CD300E: variants seen among roughly 807,000 people sequenced by gnomAD.
CD300E encodes the protein CMRF35-like molecule 2.
Under a neutral mutation model 20.9 loss-of-function variants are expected in CD300E, and 14 were observed. The ratio of observed to expected loss-of-function variants is 0.67; its 90% CI spans 0.44 to 1.05. CD300E has a LOEUF of 1.05. CD300E is among the 50% of genes least tolerant of loss of function. The probability of loss-of-function intolerance (pLI) is 0.00; values close to 1 mark genes in which losing one functional copy is unlikely to be tolerated. For synonymous variants in CD300E, 102 were observed against 103.7 expected, an observed-to-expected ratio of 0.98 and a Z score of 0.10; for missense variants, 237 against 253.9, an observed-to-expected ratio of 0.93 and a Z score of 0.45.
intron 3 of CD300E, 32 bp from the exon 4 acceptor site, chr17:74,612,805 C>T (rs1330589438): frequency 2.4e-5 from 38 of 1,610,998 alleles, no homozygotes; most frequent in Non-Finnish European, 3.2e-5. Context: ...TGAGTCACTT[C>T]CCCGGGAGAA....
At chr17:74,615,026 A>G (rs1490017774) in intron 2 of CD300E, among the ~76,000 whole-genome samples, 2 of 152,200 alleles carry the variant, frequency 1.3e-5, no homozygotes, top group African/African-American at 4.8e-5. Context: ...AGATTCGTTG[A>G]TGGACGTGGC....
At chr17:74,614,120 C>G in intron 2 of CD300E, 87 bp from the exon 3 acceptor site, 1 of 1,044,318 alleles carries the variant, frequency 9.6e-7, no homozygotes, top group Non-Finnish European at 1.5e-6. Flanking sequence ...CAGAATCACC[C>G]ACTCACAGAA....
At chr17:74,619,245 G>C (rs1252754756) in intron 1 of CD300E, 1 of 435,576 alleles carries the variant, frequency 2.3e-6, no homozygotes, top group Non-Finnish European at 4.7e-6. Flanking sequence ...CAAGAGTCTG[G>C]TGATGGAGCC....
chr17:74,613,755 A>T (rs756614584), intron 3 of CD300E, among the ~76,000 whole-genome samples, 170 bp downstream of exon 3: 3 of 152,166 alleles, frequency 2.0e-5, no homozygotes, highest in Non-Finnish European at 4.4e-5. Flanking sequence ...AGCACAAGTG[A>T]TATTTCCCAC....
chr17:74,612,249 C>CTCTCTCTCTG lies in CD300E; in HGVS notation c.*403_*404insCAGAGAGAGA, dbSNP rs1568032695. ...GCTCTCTCTCTCTCTCTCTCTCTGT[C>CTCTCTCTCTG]TCTCTCTCTCTCTCTCTCTCTCTCT... On this transcript the variant is annotated 3_prime_UTR_variant, in exon 4 of 4. Coordinates refer to ENST00000392619, the MANE Select transcript of CD300E (RefSeq NM_181449.3). 3.1e-5 allele frequency: 2 copies of CTCTCTCTCTG among 63,628 alleles called. No individual in the cohort carries two copies. The highest frequency in any genetic ancestry group is 9.1e-5 in the African/African-American group (2 of 22,088). The allele number at this position is 63,628 out of a possible 1,614,324, so 3.9% of individuals were successfully genotyped here.
chr17:74,616,181 C>T (rs1445258163), intron 2 of CD300E, among the ~76,000 whole-genome samples: 1 of 151,788 alleles, frequency 6.6e-6, no homozygotes, highest in African/African-American at 2.4e-5. Flanking sequence ...AATAAATTGG[C>T]GGAAATGGAG....
intron 2 of CD300E, among the ~76,000 whole-genome samples, chr17:74,615,915 G>A (rs182430399): frequency 6.6e-6 from 1 of 152,214 alleles, no homozygotes. Context: ...GGAAGATGCT[G>A]TCTCTACTAA....
chr17:74,614,072 C>A, intron 2 of CD300E, 39 bp from the exon 3 acceptor site: 2 of 1,500,216 alleles, frequency 1.3e-6, no homozygotes, highest in Non-Finnish European at 9.3e-7. Flanking sequence ...CGTGCCTGGG[C>A]TCCCAGCCAT....
chr17:74,618,091 A>G (rs2030946254), intron 1 of CD300E, among the ~76,000 whole-genome samples: 1 of 152,188 alleles, frequency 6.6e-6, no homozygotes, highest in African/African-American at 2.4e-5. Flanking sequence ...CATTCAGAGG[A>G]AAGAGGGAAG....
chr17:74,613,965 G>A lies in CD300E; in HGVS notation c.457C>T (p.Arg153Ter), dbSNP rs61748965. ...PPIFLVVNPG[R>*]NLSTGEVLTQ... ...AACACCTCCCCGGTGCTGAGGTTTC[G>A]CCCAGGGTTCACCACCAGGAAGATG... is the stretch of plus-strand genomic sequence containing the variant. Residue 153 changes from arginine (R) to a stop codon, truncating the protein, a stop_gained, in exon 3 of 4, where the codon CGA (arginine) becomes TGA (stop). Transcript: ENST00000392619. LOFTEE classifies it low-confidence loss of function (END_TRUNC). 2.6e-4 allele frequency: 423 copies of A among 1,613,818 alleles called. No homozygotes were observed. Among genetic ancestry groups the A allele is most frequent in the African/African-American group, 7.9e-4 (59 of 74,914 alleles).
At chr17:74,614,602 C>T (rs1267996398) in intron 2 of CD300E, among the ~76,000 whole-genome samples, 1 of 152,026 alleles carries the variant, frequency 6.6e-6, no homozygotes, top group Non-Finnish European at 1.5e-5. Flanking sequence ...CCTGCCTCAG[C>T]CACCCAAGTA....
At chr17:74,619,958 G>A (rs1048459203) in intron 1 of CD300E, among the ~76,000 whole-genome samples, 2 of 152,184 alleles carry the variant, frequency 1.3e-5, no homozygotes, top group African/African-American at 4.8e-5. Flanking sequence ...CATTCATGAT[G>A]GCTATTCTCT....
At position 74,613,948 on chromosome 17, in the gene CD300E, C is replaced by T. The variant is rs367917938; in HGVS notation, c.474G>A (p.Gly158=). ...VVNPGRNLST[G]EVLTQNSGFR... ...ACCCTGAATTTTGGGTCAACACCTC[C>T]CCGGTGCTGAGGTTTCGCCCAGGGT... is the stretch of plus-strand genomic sequence containing the variant. The change falls in exon 3 of 4, where the codon GGG becomes GGA. Residue 158 remains glycine (G), a synonymous_variant. Coordinates refer to ENST00000392619, the MANE Select transcript of CD300E (RefSeq NM_181449.3). 23 of 1,613,484 alleles carry T rather than the reference C, an allele frequency of 1.4e-5. No homozygotes were observed. The South Asian group carries it at 2.0e-4, about 14-fold the overall frequency.
intron 1 of CD300E, among the ~76,000 whole-genome samples, chr17:74,623,322 G>C (rs934169443): frequency 5.3e-5 from 8 of 152,192 alleles, no homozygotes; most frequent in Non-Finnish European, 1.0e-4. Flanking sequence ...TTGTATTGTA[G>C]TTAGTTGACT....
chr17:74,614,899 T>C (rs557348840), intron 2 of CD300E, among the ~76,000 whole-genome samples: 2 of 152,334 alleles, frequency 1.3e-5, no homozygotes, highest in East Asian at 3.9e-4. Flanking sequence ...TCATTGCCAC[T>C]GGACTCCCAG....
intron 1 of CD300E, among the ~76,000 whole-genome samples, chr17:74,620,753 T>G (rs909476202): frequency 1.9e-4 from 29 of 151,704 alleles, no homozygotes; most frequent in African/African-American, 7.0e-4. Context: ...AAAATGGAGG[T>G]AAAGCAAGGC....
rs2030748097 is a variant in CD300E at position 74,610,288 on chromosome 17, A to T, written c.*2365T>A. ...CCTCCTACCCTTTGTCTTTAAATGC[A>T]GGTGCCCCGAGGGCTCTGTCCTTGG... is the stretch of plus-strand genomic sequence containing the variant. On this transcript the variant is annotated 3_prime_UTR_variant, in exon 4 of 4. Coordinates refer to ENST00000392619, the MANE Select transcript of CD300E (RefSeq NM_181449.3). The T allele has an allele frequency of 6.6e-6, 1 of 152,322 alleles. No homozygotes were observed. Among genetic ancestry groups the T allele is most frequent in the Non-Finnish European group, 1.5e-5 (1 of 68,152 alleles). 9.4% of individuals were successfully genotyped at this position (152,322 alleles called of 1,614,324 possible). A position where few individuals can be genotyped will look rare whatever the true frequency, so the allele number is the denominator to read the frequency against.
rs200133927 is a variant in CD300E at position 74,623,622 on chromosome 17, G to A, written c.-1C>T. ...GGAGTAGAGCTGGGAGCAGCCACAT[G>A]TTCCTGTCTCCTTGGCTTCCGTCCT... is the stretch of plus-strand genomic sequence containing the variant. On this transcript the variant is annotated 5_prime_UTR_variant, in exon 1 of 4. Coordinates refer to ENST00000392619, the MANE Select transcript of CD300E (RefSeq NM_181449.3). 5.1e-5 allele frequency: 83 copies of A among 1,614,168 alleles called. No individual in the cohort carries two copies. Among genetic ancestry groups the A allele is most frequent in the Non-Finnish European group, 6.7e-5 (79 of 1,180,000 alleles).
rs1210328597 is a variant in CD300E at position 74,620,607 on chromosome 17, C to T, written c.40+2975G>A. ...TCAGTGAGCCAAGATCGTGCCATTGCACTCCAGCCTGGCAACAAAGCGAGA... is the reference window on the plus strand; with the variant it reads ...TCAGTGAGCCAAGATCGTGCCATTGTACTCCAGCCTGGCAACAAAGCGAGA... On this transcript the variant is annotated intron_variant, in intron 1 of 3. Transcript: ENST00000392619. Among the ~76,000 whole-genome samples, 6 of 151,710 alleles carry T rather than the reference C, an allele frequency of 4.0e-5. No individual in the cohort carries two copies. The East Asian group carries it at 1.2e-3, about 29-fold the overall frequency.
Sources: allele counts gnomAD v4.1 joint callset (sites outside exome capture counted in the v4.1 genomes callset), GRCh38; gene constraint gnomAD v4.1.1; transcripts MANE v1.5; gene names NCBI Gene and HGNC (gene_info 2026-07-23, HGNC 2026-07-21).